The following OLFM3 variants were observed in gnomAD, a reference collection of about 807,000 sequenced individuals.
OLFM3 encodes olfactomedin 3.
In OLFM3, 20 loss-of-function variants were observed where a neutral mutation model predicts 48.6. That is an observed-to-expected ratio of 0.41 (90% CI 0.29 to 0.60). The LOEUF (loss-of-function observed/expected upper bound fraction) is 0.60, where lower values mean the gene tolerates loss of function less well. Ranked by LOEUF, OLFM3 falls within the 20% of genes least tolerant of loss-of-function variation. OLFM3 has a pLI of 0.28. For synonymous variants in OLFM3, 222 were observed against 198.1 expected (o/e 1.12, Z -1.01); for missense variants, 437 against 544.3 (o/e 0.80, Z 1.96).
At chr1:101,979,450 G>T (rs1362709696) in intron 1 of OLFM3, among the ~76,000 whole-genome samples, 1 of 152,152 alleles carries the variant, frequency 6.6e-6, no homozygotes, top group Non-Finnish European at 1.5e-5. Flanking sequence ...CGTGATAGTG[G>T]ATGAGTTCTC....
rs1016020636 is a variant in OLFM3, at chr1:101,803,126, G to A, written c.*1112C>T. ...CACAAATCTTGCCAATAACTCCTCA[G>A]GGCTCATAATCTAAATCTAGAGGAC... On this transcript the variant is annotated 3_prime_UTR_variant, in exon 6 of 6. Transcript: ENST00000370103. The A allele has an allele frequency of 6.6e-6, 1 of 151,810 alleles. No individual in the cohort carries two copies. The highest frequency in any genetic ancestry group is 1.5e-5 in the Non-Finnish European group (1 of 67,666). 9.4% of individuals were successfully genotyped at this position (151,810 alleles called of 1,614,324 possible). A position where few individuals can be genotyped will look rare whatever the true frequency, so the allele number is the denominator to read the frequency against.
chr1:101,813,014 A>G, intron 4 of OLFM3: 2 of 1,139,604 alleles, frequency 1.8e-6, no homozygotes, highest in South Asian at 1.8e-5. Flanking sequence ...TTTGTACCAG[A>G]ACTATTCTAG....
At chr1:101,976,340 A>G (rs540820730) in intron 1 of OLFM3, among the ~76,000 whole-genome samples, 28 of 152,342 alleles carry the variant, frequency 1.8e-4, no homozygotes, top group African/African-American at 5.5e-4. Context: ...TGTAGTGACC[A>G]TCTGGTCCCT....
In OLFM3 at chr1:101,837,043, A is replaced by T. The variant is rs763198602; in HGVS notation, c.70-18T>A. 6.2e-7 allele frequency: 1 copy of T among 1,607,414 alleles called. No individual in the cohort carries two copies. The highest frequency in any genetic ancestry group is 1.7e-5 in the Admixed American group (1 of 59,164). ...ATCTGAGTCTGAGGAAACCAAAGGG[A>T]AACATAAAACACAGACTCCTGTTAT... On this transcript the variant is annotated intron_variant, in intron 1 of 5. Transcript: ENST00000370103.
intron 1 of OLFM3, among the ~76,000 whole-genome samples, chr1:101,929,066 A>G (rs1003039584): frequency 1.2e-4 from 19 of 152,138 alleles, no homozygotes; most frequent in African/African-American, 4.6e-4. Flanking sequence ...CTTGGATTGC[A>G]CTCAAACTGT....
chr1:101,875,522 TAA>T (rs1399027601), intron 1 of OLFM3, among the ~76,000 whole-genome samples: 1 of 152,004 alleles, frequency 6.6e-6, no homozygotes, highest in African/African-American at 2.4e-5. Context: ...TCTTTTTTTG[TAA>T]ACCTAAAACT....
intron 1 of OLFM3, among the ~76,000 whole-genome samples, chr1:101,895,233 C>G (rs924850126): frequency 3.3e-5 from 5 of 152,002 alleles, no homozygotes; most frequent in African/African-American, 1.2e-4. Flanking sequence ...CCTCTATTTG[C>G]TTATTTATTT....
chr1:101,852,166 C>T (rs1026970835), intron 1 of OLFM3, among the ~76,000 whole-genome samples: 4 of 152,078 alleles, frequency 2.6e-5, no homozygotes, highest in African/African-American at 9.7e-5. Context: ...CTTTCTTGAT[C>T]TTATTTTCTC....
chr1:101,936,926 A>C (rs1395184968), intron 1 of OLFM3, among the ~76,000 whole-genome samples: 1 of 152,198 alleles, frequency 6.6e-6, no homozygotes, highest in East Asian at 1.9e-4. Flanking sequence ...GAAGAGTGAA[A>C]CTGGACCCCT....
intron 5 of OLFM3, among the ~76,000 whole-genome samples, chr1:101,805,209 C>A (rs149690145): frequency 2.5e-4 from 32 of 129,344 alleles, no homozygotes; most frequent in African/African-American, 8.7e-4. Context: ...CTGAGTGAAC[C>A]AATCATATGT....
intron 1 of OLFM3, among the ~76,000 whole-genome samples, chr1:101,868,185 C>T (rs1269970795): frequency 6.6e-6 from 1 of 152,064 alleles, no homozygotes; most frequent in Non-Finnish European, 1.5e-5. Context: ...TGGGGTGTTG[C>T]TGTAAAGATA....
chr1:101,902,526 C>T (rs1184427897), intron 1 of OLFM3, among the ~76,000 whole-genome samples: 2 of 151,782 alleles, frequency 1.3e-5, no homozygotes, highest in East Asian at 1.9e-4. Flanking sequence ...CTAAGAGGAA[C>T]TAGGAAATTT....
At chr1:101,843,314 C>G (rs1655819549) in intron 1 of OLFM3, among the ~76,000 whole-genome samples, 1 of 152,188 alleles carries the variant, frequency 6.6e-6, no homozygotes, top group South Asian at 2.1e-4. Flanking sequence ...GCTGAATGTC[C>G]TCAACTTTTT....
chr1:101,854,308 T>G (rs1656335710), intron 1 of OLFM3, among the ~76,000 whole-genome samples: 1 of 152,024 alleles, frequency 6.6e-6, no homozygotes, highest in Admixed American at 6.6e-5. Context: ...GGTTTCAATA[T>G]TGTCTTAAAA....
chr1:101,875,463 T>C (rs1036554400), intron 1 of OLFM3, among the ~76,000 whole-genome samples: 4 of 152,000 alleles, frequency 2.6e-5, no homozygotes, highest in Non-Finnish European at 5.9e-5. Flanking sequence ...GGAGAAACTA[T>C]GTGCATGTCT....
intron 4 of OLFM3, among the ~76,000 whole-genome samples, chr1:101,823,764 G>C (rs1457574303): frequency 1.3e-5 from 2 of 152,046 alleles, no homozygotes; most frequent in African/African-American, 2.4e-5. Flanking sequence ...AAGACCAACT[G>C]TAAATGAGAA....
chr1:101,899,732 A>G (rs1348336782), intron 1 of OLFM3, among the ~76,000 whole-genome samples: 1 of 152,238 alleles, frequency 6.6e-6, no homozygotes, highest in African/African-American at 2.4e-5. Flanking sequence ...ATTGTAAAAA[A>G]ATACAAAACT....
intron 1 of OLFM3, among the ~76,000 whole-genome samples, chr1:101,881,777 G>A (rs1437666158): frequency 6.6e-6 from 1 of 150,920 alleles, no homozygotes; most frequent in Non-Finnish European, 1.5e-5. Flanking sequence ...GAGTTATTTT[G>A]AAGTGATTTT....
intron 1 of OLFM3, among the ~76,000 whole-genome samples, chr1:101,875,686 T>C (rs1330480412): frequency 6.6e-6 from 1 of 151,962 alleles, no homozygotes; most frequent in African/African-American, 2.4e-5. Context: ...CAATATTCCA[T>C]TTTGTCTGTC....
Sources: gnomAD v4.1 joint callset for allele counts (sites outside exome capture counted in the v4.1 genomes callset) on GRCh38, gnomAD v4.1.1 for gene constraint, MANE v1.5 for transcripts, NCBI Gene and HGNC (gene_info 2026-07-23, HGNC 2026-07-21) for gene names.